Variants in MAF observed in about 807,000 individuals in gnomAD.
MAF encodes transcription factor Maf.
Under a neutral mutation model 22.0 loss-of-function variants are expected in MAF, and 10 were observed. The observed-to-expected ratio is 0.45, with a 90% confidence interval of 0.28 to 0.77. The LOEUF (loss-of-function observed/expected upper bound fraction) is 0.77. MAF is among the 30% of genes least tolerant of loss of function. The pLI is 0.12. For synonymous variants in MAF, 337 were observed against 255.8 expected, an observed-to-expected ratio of 1.32 and a Z score of -3.03; for missense variants, 544 against 548.4, an observed-to-expected ratio of 0.99 and a Z score of 0.08.
At chr16:79,398,276 T>A in the MAF span, among the ~76,000 whole-genome samples, 1 of 152,352 alleles carries the variant, frequency 6.6e-6, no homozygotes, top group Admixed American at 6.5e-5. Flanking sequence ...TAATCCAGGA[T>A]AATCTCCCCA....
the MAF span, among the ~76,000 whole-genome samples, chr16:79,383,903 T>C: frequency 6.6e-6 from 1 of 152,160 alleles, no homozygotes; most frequent in Non-Finnish European, 1.5e-5. Flanking sequence ...TGTTTTAGAT[T>C]GCAAACTTTT....
the MAF span, among the ~76,000 whole-genome samples, chr16:79,213,057 G>C: frequency 1.3e-5 from 2 of 152,146 alleles, no homozygotes; most frequent in Non-Finnish European, 2.9e-5. Context: ...CTATGTTTGA[G>C]AATGGGAGCT....
the MAF span, among the ~76,000 whole-genome samples, chr16:79,391,835 A>C: frequency 2.0e-5 from 3 of 148,818 alleles, no homozygotes; most frequent in African/African-American, 7.6e-5. Flanking sequence ...GAGGCATGGG[A>C]GAAAGTGGGG....
the MAF span, among the ~76,000 whole-genome samples, chr16:79,257,302 A>G: frequency 6.6e-6 from 1 of 152,244 alleles, no homozygotes; most frequent in African/African-American, 2.4e-5. Flanking sequence ...GTGTGATTAA[A>G]TAACGTGTTA....
the MAF span, among the ~76,000 whole-genome samples, chr16:79,442,425 G>GTAGCA: frequency 6.6e-6 from 1 of 152,278 alleles, no homozygotes; most frequent in Middle Eastern, 3.4e-3. Context: ...AGGCTGGAAT[G>GTAGCA]TAGCAGCCCA....
the MAF span, among the ~76,000 whole-genome samples, chr16:79,322,876 T>C: frequency 1.3e-5 from 2 of 151,556 alleles, no homozygotes; most frequent in Non-Finnish European, 2.9e-5. Context: ...TGGGGCCGGG[T>C]GCAGTGGCTC....
At chr16:79,365,235 C>G in the MAF span, among the ~76,000 whole-genome samples, 77 of 152,280 alleles carry the variant, frequency 5.1e-4, no homozygotes, top group African/African-American at 1.8e-3. Context: ...TAAGTTTGCT[C>G]TATGTTTTTC....
chr16:79,446,839 T>C, the MAF span, among the ~76,000 whole-genome samples: 1 of 151,840 alleles, frequency 6.6e-6, no homozygotes, highest in African/African-American at 2.4e-5. Context: ...GCCAAGGAGT[T>C]TGAGGTTGAA....
the MAF span, among the ~76,000 whole-genome samples, chr16:79,401,741 G>A: frequency 7.8e-4 from 119 of 152,278 alleles, no homozygotes; most frequent in African/African-American, 2.8e-3. Context: ...CAGAAGGGAA[G>A]CAAAGCAATT....
chr16:79,543,676 C>CTTTTTTTTTTTTTCTTTTTT, the MAF span, among the ~76,000 whole-genome samples: 1 of 137,278 alleles, frequency 7.3e-6, no homozygotes, highest in Non-Finnish European at 1.6e-5. Context: ...TTTTCTTTTT[C>CTTTTTTTTTTTTTCTTTTTT]TTTTTTTTTT....
chr16:79,378,888 G>C, the MAF span, among the ~76,000 whole-genome samples: 1 of 152,132 alleles, frequency 6.6e-6, no homozygotes, highest in Non-Finnish European at 1.5e-5. Flanking sequence ...TCAGCTTAAA[G>C]TCTCAGAAAT....
the MAF span, among the ~76,000 whole-genome samples, chr16:79,238,434 T>C: frequency 2.6e-5 from 4 of 152,208 alleles, no homozygotes; most frequent in East Asian, 1.9e-4. Context: ...AGTTCATTTC[T>C]TTTAGGAGTC....
At chr16:79,598,695 A>G (rs2143795466) in intron 1 of MAF, 90 bp downstream of exon 1, 3 of 1,582,436 alleles carry the variant, frequency 1.9e-6, no homozygotes, top group Non-Finnish European at 2.6e-6. Context: ...GGTGGCGAGC[A>G]TGGCTCTAGA....
chr16:79,421,086 T>A, the MAF span, among the ~76,000 whole-genome samples: 9 of 151,966 alleles, frequency 5.9e-5, no homozygotes, highest in Admixed American at 5.2e-4. Flanking sequence ...TATATTAATA[T>A]AACTGTTCTA....
chr16:79,226,462 G>A, the MAF span, among the ~76,000 whole-genome samples: 1 of 151,982 alleles, frequency 6.6e-6, no homozygotes, highest in African/African-American at 2.4e-5. Context: ...AACCACCATG[G>A]CATGTGTATA....
chr16:79,501,040 G>A, the MAF span, among the ~76,000 whole-genome samples: 1 of 152,106 alleles, frequency 6.6e-6, no homozygotes, highest in African/African-American at 2.4e-5. Context: ...TTCCATAAAG[G>A]GATCCTGTAA....
At chr16:79,500,979 C>G in the MAF span, among the ~76,000 whole-genome samples, 2 of 152,184 alleles carry the variant, frequency 1.3e-5, no homozygotes, top group African/African-American at 4.8e-5. Flanking sequence ...GCTCTTGTTT[C>G]TCTAAGCAGA....
chr16:79,427,823 C>A, the MAF span, among the ~76,000 whole-genome samples: 1 of 152,106 alleles, frequency 6.6e-6, no homozygotes, highest in Non-Finnish European at 1.5e-5. Flanking sequence ...CATGCACGGC[C>A]TCCTTGTGAG....
the MAF span, among the ~76,000 whole-genome samples, chr16:79,366,097 A>G: frequency 2.0e-5 from 3 of 152,194 alleles, no homozygotes; most frequent in Admixed American, 2.0e-4. Context: ...AAAAACTAAT[A>G]TTTGTTTTTC....
Sources: gnomAD v4.1 joint callset for allele counts (sites outside exome capture counted in the v4.1 genomes callset) on GRCh38, gnomAD v4.1.1 for gene constraint, MANE v1.5 for transcripts, NCBI Gene and HGNC (gene_info 2026-07-23, HGNC 2026-07-21) for gene names.